Variants in CCDC191 observed in about 807,000 individuals in gnomAD.
CCDC191 encodes coiled-coil domain-containing protein 191.
In CCDC191, 99 loss-of-function variants were observed where a neutral mutation model predicts 114.0. That is an observed-to-expected ratio of 0.87 (90% CI 0.74 to 1.03). CCDC191 has a LOEUF of 1.03. CCDC191 is among the 50% of genes least tolerant of loss of function. The probability of loss-of-function intolerance (pLI) is 0.00; values close to 1 mark genes in which losing one functional copy is unlikely to be tolerated. For missense variants in CCDC191, 973 were observed against 1,087.0 expected (o/e 0.90, Z 1.47); for synonymous variants, 351 against 376.0 (o/e 0.93, Z 0.77).
intron 2 of CCDC191, among the ~76,000 whole-genome samples, chr3:114,048,129 CTATCTCTCTCT>C (rs2076654885): frequency 6.6e-6 from 1 of 152,242 alleles, no homozygotes; most frequent in African/African-American, 2.4e-5. Flanking sequence ...TTAATCCAAT[CTATCTCTCTCT>C]TTCTCACCCC....
Position 114,002,495 on chromosome 3 carries a change from G to T in CCDC191, c.2022C>A (p.Ile674=). 1 of 1,611,162 alleles carries T rather than the reference G, an allele frequency of 6.2e-7. No individual in the cohort carries two copies. Among genetic ancestry groups the T allele is most frequent in the Non-Finnish European group, 8.5e-7 (1 of 1,178,862 alleles). The change falls in exon 12 of 17, where the codon ATC becomes ATA. Residue 674 remains isoleucine (I), a synonymous_variant. Coordinates refer to ENST00000295878, the MANE Select transcript of CCDC191 (RefSeq NM_020817.2). ...CTTGTTTTTTCTTCTTCTCTGCCAA[G>T]ATCCGCCTACATTCAGCTCGTTGAA... is the stretch of plus-strand genomic sequence containing the variant. ...RAIQRAECRR[I]LAEKKKKQEE... is the part of the protein sequence containing the mutation.
chr3:113,985,011 A>G (rs1400143639), intron 13 of CCDC191, among the ~76,000 whole-genome samples: 1 of 152,174 alleles, frequency 6.6e-6, no homozygotes, highest in Admixed American at 6.5e-5. Context: ...AAGCCACTGG[A>G]TACCATATGA....
intron 7 of CCDC191, among the ~76,000 whole-genome samples, chr3:114,028,900 AATAAAT>A (rs2076363549): frequency 1.3e-5 from 2 of 151,220 alleles, no homozygotes; most frequent in African/African-American, 4.8e-5. Flanking sequence ...TAGACACAGA[AATAAAT>A]ATAATGTGTG....
In CCDC191 at chr3:113,971,720, G is replaced by GT. The variant is rs201535286; in HGVS notation, c.2607-6362dup. On this transcript the variant is annotated intron_variant, in intron 16 of 16. Transcript: ENST00000295878. ...GTATGGAAGTATTCCCTCCTCTTCA[G>GT]TTTTTTTTTGAAGAAATTGAGTAGA... Among the ~76,000 whole-genome samples the GT allele has an allele frequency of 5.2e-3, 792 of 151,208 alleles. 8 individuals carry two copies. Among genetic ancestry groups the GT allele is most frequent in the African/African-American group, 0.018 (726 of 41,304 alleles).
intron 1 of CCDC191, 87 bp downstream of exon 1, chr3:114,056,290 G>A: frequency 1.6e-6 from 2 of 1,276,636 alleles, no homozygotes; most frequent in Non-Finnish European, 2.3e-6. Context: ...TGAAGAGGCA[G>A]GAAGCACAGA....
At chr3:113,978,572 G>C (rs2075021277) in intron 15 of CCDC191, 2 of 585,050 alleles carry the variant, frequency 3.4e-6, no homozygotes, top group East Asian at 5.7e-5. Flanking sequence ...TAAATCACTT[G>C]AGCACTGTGA....
rs1447367705 is a variant in CCDC191, at chr3:113,966,602, G to GGT, written c.2607-1245_2607-1244dup. The stretch of plus-strand genomic sequence containing the variant: ...CAACGAAGCGAGAATAGCATGCCGT[G>GGT]GTGTGTGTGTGGAGTTACAGTGTTG... On this transcript the variant is annotated intron_variant, in intron 16 of 16. Coordinates refer to ENST00000295878, the MANE Select transcript of CCDC191 (RefSeq NM_020817.2). Among the ~76,000 whole-genome samples the GGT allele has an allele frequency of 7.2e-5, 11 of 152,062 alleles. No homozygotes were observed. In the East Asian group the frequency reaches 1.9e-3, roughly 27 times the overall value.
chr3:113,980,507 C>T (rs2075108998), intron 14 of CCDC191, 143 bp downstream of exon 14: 3 of 768,508 alleles, frequency 3.9e-6, no homozygotes, highest in Non-Finnish European at 5.9e-6. Flanking sequence ...AAAATTGTAT[C>T]CAAAACAAAT....
At chr3:113,980,817 T>C (rs1435549579) in intron 13 of CCDC191, 24 bp from the exon 14 acceptor site, 2 of 1,582,904 alleles carry the variant, frequency 1.3e-6, no homozygotes. Flanking sequence ...AAAAGCAAAA[T>C]GCTATGATCA....
intron 11 of CCDC191, chr3:114,003,833 A>T: frequency 1.0e-6 from 1 of 985,474 alleles, no homozygotes; most frequent in Non-Finnish European, 1.2e-6. Context: ...AATCAAATTT[A>T]CAAACCACAA....
At chr3:114,045,071 T>A (rs1307034016) in intron 3 of CCDC191, among the ~76,000 whole-genome samples, 1 of 152,082 alleles carries the variant, frequency 6.6e-6, no homozygotes, top group Non-Finnish European at 1.5e-5. Flanking sequence ...TAAAAAGAGG[T>A]TCATGGTCTA....
intron 1 of CCDC191, among the ~76,000 whole-genome samples, chr3:114,054,560 C>A (rs568626487): frequency 6.6e-6 from 1 of 152,252 alleles, no homozygotes; most frequent in Admixed American, 6.5e-5. Flanking sequence ...TGGCGTGAAC[C>A]CGAGAGGCGG....
intron 16 of CCDC191, among the ~76,000 whole-genome samples, chr3:113,970,652 T>C (rs1187068872): frequency 6.6e-6 from 1 of 152,194 alleles, no homozygotes; most frequent in Non-Finnish European, 1.5e-5. Context: ...TGTGTCATGT[T>C]GGTGTGCTGC....
intron 13 of CCDC191, among the ~76,000 whole-genome samples, chr3:113,997,439 A>G (rs1343061850): frequency 6.6e-6 from 1 of 152,202 alleles, no homozygotes; most frequent in Non-Finnish European, 1.5e-5. Flanking sequence ...AGTGACACCC[A>G]GTAGCAATTA....
intron 16 of CCDC191, among the ~76,000 whole-genome samples, chr3:113,976,519 T>C (rs138268628): frequency 6.8e-4 from 103 of 152,078 alleles, no homozygotes; most frequent in African/African-American, 2.3e-3. Flanking sequence ...TCAGATGAGA[T>C]GGTTTGTGCA....
chr3:114,055,005 A>AAAT (rs541235858), intron 1 of CCDC191, among the ~76,000 whole-genome samples: 6,522 of 150,686 alleles, frequency 0.043, 160 homozygotes, highest in Middle Eastern at 0.083. Flanking sequence ...ATACTCTTTA[A>AAAT]AATAATAATA....
intron 16 of CCDC191, among the ~76,000 whole-genome samples, chr3:113,976,690 G>A (rs1447479972): frequency 6.6e-6 from 1 of 151,796 alleles, no homozygotes; most frequent in East Asian, 1.9e-4. Context: ...AGTGCATTGA[G>A]TGAGTTACTA....
At position 113,979,001 on chromosome 3, in the gene CCDC191, C is replaced by G; in HGVS notation, c.2317G>C (p.Glu773Gln). 1.2e-6 allele frequency: 2 copies of G among 1,613,044 alleles called. No individual in the cohort carries two copies. Among genetic ancestry groups the G allele is most frequent in the East Asian group, 4.5e-5 (2 of 44,858 alleles). The change falls in exon 15 of 17, where the codon GAA becomes CAA. Residue 773 changes from glutamate to glutamine, a missense_variant. By Grantham distance (29) the Glu-to-Gln change is conservative. Transcript: ENST00000295878. The stretch of plus-strand genomic sequence containing the variant: ...CTCTGCAGGAACAAAGAGTAATGTT[C>G]TTCTGCCACCTGGACAATTTTTTAA... ...QSKQNIQVAE[E>Q]HYSLFLQRKY...
chr3:113,993,774 A>G (rs777120405), intron 13 of CCDC191, among the ~76,000 whole-genome samples: 90 of 152,252 alleles, frequency 5.9e-4, no homozygotes, highest in Non-Finnish European at 7.5e-4. Flanking sequence ...AGTCTCAGCT[A>G]CTTGGAAGGC....
Sources: gnomAD v4.1 joint callset for allele counts (sites outside exome capture counted in the v4.1 genomes callset) on GRCh38, gnomAD v4.1.1 for gene constraint, MANE v1.5 for transcripts, NCBI Gene and HGNC (gene_info 2026-07-23, HGNC 2026-07-21) for gene names.